NRXN1: variants seen among roughly 807,000 people sequenced by gnomAD.
NRXN1 encodes neurexin-1.
A neutral mutation model predicts 150.9 loss-of-function variants in NRXN1; 39 were observed. The observed-to-expected ratio is 0.26, with a 90% CI of 0.20 to 0.34. The LOEUF is 0.34. NRXN1 is among the 10% of genes least tolerant of loss of function. The pLI, the probability that NRXN1 is intolerant of heterozygous loss-of-function variation, is 1.00. For missense variants in NRXN1, 1,815 were observed against 1,949.9 expected (o/e 0.93, Z 1.30); for synonymous variants, 924 against 757.0 (o/e 1.22, Z -3.62).
intron 15 of NRXN1, among the ~76,000 whole-genome samples, chr2:50,487,478 G>A (rs1443784428): frequency 6.6e-6 from 1 of 152,162 alleles, no homozygotes; most frequent in Non-Finnish European, 1.5e-5. Flanking sequence ...ACCCTCTAGT[G>A]CATGAAAATA....
At chr2:50,322,947 TTAAC>T (rs2076145779) in intron 17 of NRXN1, among the ~76,000 whole-genome samples, 1 of 152,208 alleles carries the variant, frequency 6.6e-6, no homozygotes, top group Admixed American at 6.5e-5. Context: ...TTTTTCATTA[TTAAC>T]TATGATTTTG....
chr2:51,010,266 C>G (rs1667637529), intron 2 of NRXN1, among the ~76,000 whole-genome samples: 1 of 151,778 alleles, frequency 6.6e-6, no homozygotes, highest in African/African-American at 2.4e-5. Flanking sequence ...TTTTCTTTAC[C>G]CTCTTCACTG....
At chr2:50,288,387 C>T (rs902287372) in intron 17 of NRXN1, among the ~76,000 whole-genome samples, 1 of 152,012 alleles carries the variant, frequency 6.6e-6, no homozygotes, top group Non-Finnish European at 1.5e-5. Context: ...TTACCCACCC[C>T]AAAATGTCAG....
At chr2:50,755,548 A>C (rs1413905760) in intron 5 of NRXN1, among the ~76,000 whole-genome samples, 1 of 151,810 alleles carries the variant, frequency 6.6e-6, no homozygotes, top group Non-Finnish European at 1.5e-5. Context: ...ATAGATTTTT[A>C]TTACCTGCTG....
intron 5 of NRXN1, among the ~76,000 whole-genome samples, chr2:50,860,986 T>C (rs956348121): frequency 8.6e-5 from 13 of 152,012 alleles, no homozygotes; most frequent in Admixed American, 6.6e-4. Context: ...TTATAAGCAA[T>C]AAAATTTGGG....
intron 17 of NRXN1, among the ~76,000 whole-genome samples, chr2:50,246,698 C>T (rs1282662922): frequency 2.0e-5 from 3 of 148,054 alleles, no homozygotes; most frequent in African/African-American, 7.5e-5. Context: ...CTCAAAGTCA[C>T]TTTTACTTCT....
intron 8 of NRXN1, among the ~76,000 whole-genome samples, chr2:50,604,319 G>A (rs1362035555): frequency 6.6e-6 from 1 of 152,118 alleles, no homozygotes; most frequent in Non-Finnish European, 1.5e-5. Flanking sequence ...AAGCAAGGGG[G>A]ACATGAAGCT....
At chr2:50,720,612 A>G (rs557334523) in intron 5 of NRXN1, among the ~76,000 whole-genome samples, 3 of 152,284 alleles carry the variant, frequency 2.0e-5, no homozygotes, top group African/African-American at 7.2e-5. Context: ...AACACAAAAG[A>G]TCCATGCTTA....
intron 17 of NRXN1, among the ~76,000 whole-genome samples, chr2:50,402,380 T>A (rs1437312806): frequency 1.3e-5 from 2 of 152,100 alleles, no homozygotes; most frequent in East Asian, 3.9e-4. Flanking sequence ...TGTAAAAACC[T>A]TTGCTTCAAT....
At chr2:50,833,341 G>C (rs1011159494) in intron 5 of NRXN1, among the ~76,000 whole-genome samples, 1 of 152,022 alleles carries the variant, frequency 6.6e-6, no homozygotes, top group South Asian at 2.1e-4. Context: ...GTTTATCCAA[G>C]AAAAATGAAA....
At chr2:50,318,264 A>G (rs976643245) in intron 17 of NRXN1, among the ~76,000 whole-genome samples, 5 of 152,120 alleles carry the variant, frequency 3.3e-5, no homozygotes, top group Admixed American at 3.3e-4. Flanking sequence ...ACAATGAAAT[A>G]CCATTGTACA....
chr2:49,999,270 A>G (rs1683514277), intron 21 of NRXN1, among the ~76,000 whole-genome samples: 1 of 152,176 alleles, frequency 6.6e-6, no homozygotes, highest in African/African-American at 2.4e-5. Flanking sequence ...AATTTAGAAT[A>G]TGAATTTTAA....
At chr2:50,736,363 T>C (rs1311341170) in intron 5 of NRXN1, among the ~76,000 whole-genome samples, 1 of 152,202 alleles carries the variant, frequency 6.6e-6, no homozygotes. Context: ...TAGAGCTCTG[T>C]GGTCCTCCCT....
intron 18 of NRXN1, among the ~76,000 whole-genome samples, chr2:50,192,946 T>C (rs980081415): frequency 1.3e-5 from 2 of 152,160 alleles, no homozygotes; most frequent in Non-Finnish European, 2.9e-5. Flanking sequence ...TGTAGTAAAA[T>C]ACATATTTTT....
intron 5 of NRXN1, among the ~76,000 whole-genome samples, chr2:50,733,685 T>G (rs1698377178): frequency 6.6e-6 from 1 of 152,084 alleles, no homozygotes; most frequent in Non-Finnish European, 1.5e-5. Flanking sequence ...TCTTCCAAAT[T>G]TGCAGATTTT....
chr2:50,313,576 G>C (rs1814972), intron 17 of NRXN1, among the ~76,000 whole-genome samples: 13,144 of 152,124 alleles, frequency 0.086, 783 homozygotes, highest in Non-Finnish European at 0.13. Flanking sequence ...TGTAAGCCAA[G>C]GAATCTGGGC....
At chr2:50,113,830 T>G (rs886477133) in intron 18 of NRXN1, among the ~76,000 whole-genome samples, 2 of 152,136 alleles carry the variant, frequency 1.3e-5, no homozygotes, top group Admixed American at 1.3e-4. Flanking sequence ...ACTCCCAAGT[T>G]TCAGTTATTA....
intron 5 of NRXN1, among the ~76,000 whole-genome samples, chr2:50,637,827 T>C (rs1683457175): frequency 6.6e-6 from 1 of 151,942 alleles, no homozygotes; most frequent in East Asian, 1.9e-4. Context: ...GCCTAATCAT[T>C]CATTAACACC....
rs1399341549 is a variant in NRXN1, at chr2:50,865,661, T to TTTTTG, written c.832+56207_832+56208insCAAAA. Among the ~76,000 whole-genome samples the TTTTTG allele has an allele frequency of 8.1e-5, 10 of 123,390 alleles. 1 individual carries two copies. The highest frequency in any genetic ancestry group is 6.9e-4 in the East Asian group (3 of 4,368). 80.9% of individuals were successfully genotyped at this position (123,390 alleles called of 152,430 possible). On this transcript the variant is annotated intron_variant, in intron 5 of 22. Transcript: ENST00000401669. ...AATTCCCAGTAAGCATTTGAAAGTT[T>TTTTTG]TTTTTTTTTTTTTTTTTTTTTTTTT...
Sources: gnomAD v4.1 joint callset for allele counts (sites outside exome capture counted in the v4.1 genomes callset) on GRCh38, gnomAD v4.1.1 for gene constraint, MANE v1.5 for transcripts, NCBI Gene and HGNC (gene_info 2026-07-23, HGNC 2026-07-21) for gene names.